The following INSL6 variants were observed in gnomAD, a reference collection of about 807,000 sequenced individuals.
INSL6 encodes the protein insulin-like peptide INSL6.
A neutral mutation model predicts 9.4 loss-of-function variants in INSL6; 16 were observed. That is an observed-to-expected ratio of 1.70 (90% CI 1.15 to 2.59). The LOEUF (loss-of-function observed/expected upper bound fraction) is 2.59, where lower values mean the gene tolerates loss of function less well. INSL6 is among the 30% of genes most tolerant of loss of function. The pLI, the probability that INSL6 is intolerant of heterozygous loss-of-function variation, is 0.00. For missense variants in INSL6, 391 were observed against 257.3 expected (o/e 1.52, Z -3.56); for synonymous variants, 154 against 96.9 (o/e 1.59, Z -3.46).
At chr9:5,104,108 A>G in the INSL6 span, among the ~76,000 whole-genome samples, 5 of 152,202 alleles carry the variant, frequency 3.3e-5, no homozygotes, top group Admixed American at 2.0e-4. Flanking sequence ...CTCTTCAAAA[A>G]ATCAATGAAT....
the INSL6 span, among the ~76,000 whole-genome samples, chr9:5,062,072 C>G: frequency 1.3e-5 from 2 of 152,092 alleles, no homozygotes; most frequent in African/African-American, 4.8e-5. Context: ...TGCCCCAAAA[C>G]AATTACAGTT....
chr9:5,149,763 G>C (rs1168460006), intron 2 of INSL6, among the ~76,000 whole-genome samples: 2 of 152,018 alleles, frequency 1.3e-5, no homozygotes, highest in East Asian at 3.9e-4. Context: ...ACCAAAAAGA[G>C]CCCATGTGGC....
At chr9:5,171,540 T>C (rs774519181) in intron 1 of INSL6, among the ~76,000 whole-genome samples, 12 of 152,210 alleles carry the variant, frequency 7.9e-5, no homozygotes, top group Non-Finnish European at 1.3e-4. Flanking sequence ...GGAAGCCAAA[T>C]TGTCTTTGTT....
the INSL6 span, among the ~76,000 whole-genome samples, chr9:5,095,712 C>T: frequency 5.3e-5 from 8 of 152,148 alleles, no homozygotes; most frequent in Admixed American, 1.3e-4. Flanking sequence ...TATCCATTAA[C>T]GTAAGCGGTT....
chr9:5,118,168 CAAAT>C, the INSL6 span, among the ~76,000 whole-genome samples: 2 of 152,084 alleles, frequency 1.3e-5, no homozygotes, highest in East Asian at 1.9e-4. Flanking sequence ...CTCAAACAAA[CAAAT>C]AAATAGTGCA....
the INSL6 span, among the ~76,000 whole-genome samples, chr9:4,997,478 A>T: frequency 6.6e-6 from 1 of 152,140 alleles, no homozygotes; most frequent in African/African-American, 2.4e-5. Flanking sequence ...TAAACAGCCA[A>T]ATCTTGCAAG....
the INSL6 span, among the ~76,000 whole-genome samples, chr9:5,046,376 C>G: frequency 6.6e-6 from 1 of 152,054 alleles, no homozygotes; most frequent in Non-Finnish European, 1.5e-5. Flanking sequence ...CATTCTGTTG[C>G]TTGTCTTTTG....
At chr9:5,050,325 T>G in the INSL6 span, among the ~76,000 whole-genome samples, 1 of 152,320 alleles carries the variant, frequency 6.6e-6, no homozygotes, top group Middle Eastern at 3.4e-3. Context: ...AGACTGGGTC[T>G]TGGTCTGTTA....
the INSL6 span, chr9:5,022,199 C>T: frequency 1.9e-6 from 3 of 1,612,620 alleles, no homozygotes; most frequent in African/African-American, 4.0e-5. Context: ...TGTATTGCTG[C>T]TTCTAAAGCT....
chr9:5,058,503 G>A, the INSL6 span, among the ~76,000 whole-genome samples: 29 of 152,148 alleles, frequency 1.9e-4, no homozygotes, highest in East Asian at 4.4e-3. Context: ...TCCCTCCCTC[G>A]ACACATGGGG....
the INSL6 span, among the ~76,000 whole-genome samples, chr9:5,039,723 A>T: frequency 6.6e-6 from 1 of 152,178 alleles, no homozygotes; most frequent in African/African-American, 2.4e-5. Flanking sequence ...AATTAAAAAA[A>T]TTTCATTAAC....
chr9:5,005,265 G>C, the INSL6 span, among the ~76,000 whole-genome samples: 835 of 151,580 alleles, frequency 5.5e-3, 12 homozygotes, highest in African/African-American at 0.019. Flanking sequence ...TGTCCTTTGA[G>C]GAATATCTGT....
the INSL6 span, among the ~76,000 whole-genome samples, chr9:5,021,131 C>G: frequency 1.3e-5 from 2 of 152,214 alleles, no homozygotes; most frequent in African/African-American, 4.8e-5. Context: ...TGTGCAGGCT[C>G]TCTAGGCTTC....
intron 3 of INSL6, among the ~76,000 whole-genome samples, chr9:5,130,722 T>TA (rs1564032854): frequency 6.6e-6 from 1 of 150,912 alleles, no homozygotes; most frequent in African/African-American, 2.4e-5. Flanking sequence ...TTTTTTTATT[T>TA]TTTATTTTTT....
the INSL6 span, among the ~76,000 whole-genome samples, chr9:5,101,334 C>A: frequency 6.6e-6 from 1 of 152,252 alleles, no homozygotes; most frequent in Non-Finnish European, 1.5e-5. Context: ...GGCGGAGGGG[C>A]GTCCGCCATT....
intron 2 of INSL6, among the ~76,000 whole-genome samples, chr9:5,154,214 A>C (rs989815651): frequency 6.6e-6 from 1 of 152,226 alleles, no homozygotes; most frequent in Admixed American, 6.5e-5. Context: ...CAAAAACAAG[A>C]AATGGGGAAA....
chr9:5,105,470 G>A, the INSL6 span, among the ~76,000 whole-genome samples: 4 of 152,116 alleles, frequency 2.6e-5, no homozygotes, highest in African/African-American at 4.8e-5. Context: ...AATCAATATC[G>A]TGAAAATGGC....
the INSL6 span, among the ~76,000 whole-genome samples, chr9:5,055,377 C>T: frequency 6.6e-6 from 1 of 151,876 alleles, no homozygotes; most frequent in Non-Finnish European, 1.5e-5. Flanking sequence ...CTTTGGTAGT[C>T]ACATTTCCAG....
chr9:5,183,743 G>A (rs975549384), intron 1 of INSL6, among the ~76,000 whole-genome samples: 2 of 151,834 alleles, frequency 1.3e-5, no homozygotes, highest in South Asian at 4.2e-4. Flanking sequence ...TGCACTCCTG[G>A]GAGAAAAGAA....
Sources: gnomAD v4.1 joint callset for allele counts (sites outside exome capture counted in the v4.1 genomes callset) on GRCh38, gnomAD v4.1.1 for gene constraint, MANE v1.5 for transcripts, NCBI Gene and HGNC (gene_info 2026-07-23, HGNC 2026-07-21) for gene names.